Variants in KATNIP observed in about 807,000 individuals in gnomAD.
The protein encoded by KATNIP is katanin-interacting protein.
In KATNIP, 126 loss-of-function variants were observed where a neutral mutation model predicts 174.0. That is an observed-to-expected ratio of 0.72 (90% CI 0.63 to 0.84). The LOEUF (loss-of-function observed/expected upper bound fraction) is 0.84. Among genes scored for constraint, KATNIP ranks in the 40% least tolerant of loss-of-function variants. The pLI is 0.00. For synonymous variants in KATNIP, 810 were observed against 835.7 expected (o/e 0.97, Z 0.53); for missense variants, 1,958 against 2,109.7 (o/e 0.93, Z 1.41).
chr16:27,660,808 T>A (rs1020488142), intron 6 of KATNIP, among the ~76,000 whole-genome samples: 6 of 152,100 alleles, frequency 3.9e-5, no homozygotes, highest in Non-Finnish European at 5.9e-5. Flanking sequence ...GCTATTGCTC[T>A]AGGTCTTTTG....
chr16:27,648,757 T>G (rs746087344), intron 6 of KATNIP, 22 bp downstream of exon 6: 3 of 1,609,462 alleles, frequency 1.9e-6, no homozygotes, highest in Non-Finnish European at 2.5e-6. Flanking sequence ...CTTGGCCTTG[T>G]GCTCGGGACA....
chr16:27,682,991 C>T (rs1042461709), intron 8 of KATNIP, among the ~76,000 whole-genome samples: 2 of 152,166 alleles, frequency 1.3e-5, no homozygotes, highest in African/African-American at 4.8e-5. Flanking sequence ...TCGTCAGATG[C>T]GGCACCCTTG....
At chr16:27,612,276 A>T (rs1243832969) in intron 2 of KATNIP, among the ~76,000 whole-genome samples, 2 of 152,136 alleles carry the variant, frequency 1.3e-5, no homozygotes, top group African/African-American at 4.8e-5. Context: ...ATAGGTAAAG[A>T]AACTAGGTGG....
chr16:27,652,174 A>T (rs1247797966), intron 6 of KATNIP, among the ~76,000 whole-genome samples: 1 of 152,214 alleles, frequency 6.6e-6, no homozygotes, highest in Non-Finnish European at 1.5e-5. Context: ...ATGTGTCAGG[A>T]GACAACAGGG....
intron 2 of KATNIP, among the ~76,000 whole-genome samples, chr16:27,616,776 G>T (rs1277395338): frequency 6.6e-6 from 1 of 150,840 alleles, no homozygotes; most frequent in Non-Finnish European, 1.5e-5. Context: ...GGGGCTGAGT[G>T]CAGTGGCTCA....
intron 15 of KATNIP, 21 bp from the exon 16 acceptor site, chr16:27,749,563 C>G (rs56675372): frequency 7.9e-6 from 12 of 1,520,624 alleles, no homozygotes; most frequent in East Asian, 6.8e-5. Flanking sequence ...GGCTTCCCCC[C>G]TCTTGTGTCC....
intron 14 of KATNIP, among the ~76,000 whole-genome samples, chr16:27,738,092 C>T (rs1266040323): frequency 6.6e-6 from 1 of 152,070 alleles, no homozygotes; most frequent in Non-Finnish European, 1.5e-5. Flanking sequence ...TATTCCTTAG[C>T]AGTAGAAAGG....
intron 6 of KATNIP, among the ~76,000 whole-genome samples, chr16:27,651,939 C>T (rs898926954): frequency 1.3e-5 from 2 of 152,166 alleles, no homozygotes; most frequent in East Asian, 1.9e-4. Context: ...AGACTGGTCT[C>T]GAACTCCTGA....
At position 27,740,065 on chromosome 16, in the gene KATNIP, G is replaced by A. The variant is rs779478442; in HGVS notation, c.1768G>A (p.Val590Met). Residue 590 changes from valine (V) to methionine (M), a missense_variant, in exon 15 of 28, where the codon GTG becomes ATG. Physicochemically the swap from Val to Met is conservative, Grantham distance 21 (BLOSUM62 1). Transcript: ENST00000261588. ...GGATCTTGACATTGGTGCCAAGAACGTGAAGCTTTACGTCAACAGAAACCT... is the reference window on the plus strand; with the variant it reads ...GGATCTTGACATTGGTGCCAAGAACATGAAGCTTTACGTCAACAGAAACCT... Reference protein sequence around the residue: ...DGDLDIGAKNVKLYVNRNLIF... With the variant: ...DGDLDIGAKNMKLYVNRNLIF... 9.3e-6 allele frequency: 15 copies of A among 1,613,042 alleles called. No homozygotes were observed. Among genetic ancestry groups the A allele is most frequent in the Middle Eastern group, 1.7e-4 (1 of 6,060 alleles).
chr16:27,713,741 C>A (rs1271275069), intron 13 of KATNIP, among the ~76,000 whole-genome samples: 1 of 138,580 alleles, frequency 7.2e-6, no homozygotes, highest in Non-Finnish European at 1.6e-5. Context: ...TATACACATA[C>A]ATATTATATA....
rs1483197865 is a variant in KATNIP, at chr16:27,775,046, G to C, written c.4411G>C (p.Gly1471Arg). The change falls in exon 24 of 28, where the codon GGC (glycine) becomes CGC (arginine). Residue 1471 changes from glycine to arginine, a missense_variant. Transcript: ENST00000261588. ...LIDQVNDTSD[G>R]RHMWLAPILP... ...CGACCAAGTGAACGACACCAGTGAT[G>C]GCCGGCACATGTGGCTGGCTCCCAT... The C allele has an allele frequency of 6.2e-7, 1 of 1,613,252 alleles. No homozygotes were observed. Among genetic ancestry groups the C allele is most frequent in the Non-Finnish European group, 8.5e-7 (1 of 1,179,780 alleles).
chr16:27,645,237 G>A (rs954884155), intron 5 of KATNIP, among the ~76,000 whole-genome samples: 3 of 152,234 alleles, frequency 2.0e-5, no homozygotes, highest in Non-Finnish European at 1.5e-5. Context: ...CTGTGGTGCT[G>A]TGTGCCAAAG....
At position 27,740,059 on chromosome 16, in the gene KATNIP, A is replaced by G; in HGVS notation, c.1762A>G (p.Lys588Glu). Residue 588 changes from lysine to glutamate, a missense_variant, in exon 15 of 28, where the codon AAG becomes GAG. By Grantham distance (56) the Lys-to-Glu change is moderately conservative. Transcript: ENST00000261588. ...GTTTCAGGATCTTGACATTGGTGCCAAGAACGTGAAGCTTTACGTCAACAG... is the reference window on the plus strand; with the variant it reads ...GTTTCAGGATCTTGACATTGGTGCCGAGAACGTGAAGCTTTACGTCAACAG... ...TADGDLDIGA[K>E]NVKLYVNRNL... The G allele has an allele frequency of 6.2e-7, 1 of 1,612,264 alleles. No homozygotes were observed. The highest frequency in any genetic ancestry group is 8.5e-7 in the Non-Finnish European group (1 of 1,178,638).
In KATNIP at chr16:27,740,625, T is replaced by A. The variant is rs565257037; in HGVS notation, c.2328T>A (p.Leu776=). The A allele has an allele frequency of 3.1e-6, 5 of 1,614,122 alleles. No homozygotes were observed. In the African/African-American group the frequency reaches 4.0e-5, roughly 13 times the overall value. ...QGGRKPKPLW[L]SPEKPLAWKG... is the part of the protein sequence containing the mutation. ...GCAGGAAGCCAAAACCCCTCTGGCT[T>A]AGTCCCGAGAAGCCCCTGGCCTGGA... Residue 776 remains leucine, a synonymous_variant, in exon 15 of 28, where the codon CTT becomes CTA. Transcript: ENST00000261588.
chr16:27,655,959 T>A (rs549476798), intron 6 of KATNIP, among the ~76,000 whole-genome samples: 137 of 152,214 alleles, frequency 9.0e-4, no homozygotes, highest in Non-Finnish European at 1.6e-3. Flanking sequence ...TGCTTAATAA[T>A]GTTTTAAACA....
intron 5 of KATNIP, among the ~76,000 whole-genome samples, chr16:27,633,746 G>T (rs78174330): frequency 0.022 from 3,336 of 152,262 alleles, 139 homozygotes; most frequent in African/African-American, 0.076. Flanking sequence ...TGTCCTCATT[G>T]TGCTACTGAA....
intron 2 of KATNIP, among the ~76,000 whole-genome samples, chr16:27,579,857 G>GCA (rs1162752000): frequency 6.6e-6 from 1 of 151,810 alleles, no homozygotes; most frequent in African/African-American, 2.4e-5. Context: ...GCATGCACAT[G>GCA]CACACACATA....
intron 5 of KATNIP, among the ~76,000 whole-genome samples, chr16:27,647,476 G>A (rs1180939714): frequency 2.0e-5 from 3 of 151,476 alleles, no homozygotes; most frequent in Admixed American, 1.3e-4. Context: ...CGAGTAGCTG[G>A]GACAACAGGC....
rs1262795496 is a variant in KATNIP at position 27,688,792 on chromosome 16, C to A, written c.940+7262C>A. Among the ~76,000 whole-genome samples the A allele has an allele frequency of 9.9e-5, 15 of 152,152 alleles. 1 individual carries two copies. The highest frequency in any genetic ancestry group is 9.8e-4 in the Admixed American group (15 of 15,268). Reference sequence around the variant, plus strand: ...TTTCATTGATGGCCTAGAGATGGCCCCCAGTGGCTCCAGGCTTCCTTTACT... The same window carrying A: ...TTTCATTGATGGCCTAGAGATGGCCACCAGTGGCTCCAGGCTTCCTTTACT... On this transcript the variant is annotated intron_variant, in intron 8 of 27. Coordinates refer to ENST00000261588, the MANE Select transcript of KATNIP (RefSeq NM_015202.5).
Sources: gnomAD v4.1 joint callset for allele counts (sites outside exome capture counted in the v4.1 genomes callset) on GRCh38, gnomAD v4.1.1 for gene constraint, MANE v1.5 for transcripts, NCBI Gene and HGNC (gene_info 2026-07-23, HGNC 2026-07-21) for gene names.